Variants in KCNK13 observed in about 807,000 individuals in gnomAD.
KCNK13 encodes potassium two pore domain channel subfamily K member 13, also known as potassium channel subfamily K member 13.
KCNK13 carries 12 observed loss-of-function variants against 23.4 expected under a neutral mutation model. The observed-to-expected ratio is 0.51, with a 90% CI of 0.33 to 0.83. KCNK13 has a LOEUF of 0.83. Ranked by LOEUF, KCNK13 falls within the 40% of genes least tolerant of loss-of-function variation. The pLI, the probability that KCNK13 is intolerant of heterozygous loss-of-function variation, is 0.02. For missense variants in KCNK13, 463 were observed against 556.3 expected, an observed-to-expected ratio of 0.83 and a Z score of 1.69; for synonymous variants, 231 against 229.5, an observed-to-expected ratio of 1.01 and a Z score of -0.06.
intron 1 of KCNK13, among the ~76,000 whole-genome samples, chr14:90,063,753 A>T (rs2140384680): frequency 6.6e-6 from 1 of 152,346 alleles, no homozygotes; most frequent in East Asian, 1.9e-4. Flanking sequence ...CAGGAGAAGC[A>T]GCACAAAAGA....
chr14:90,150,932 T>C (rs1890128037), intron 1 of KCNK13, among the ~76,000 whole-genome samples: 1 of 152,036 alleles, frequency 6.6e-6, no homozygotes, highest in African/African-American at 2.4e-5. Context: ...TGAGCCAAGA[T>C]TGCGCCACTA....
At chr14:90,107,356 T>C (rs1889557849) in intron 1 of KCNK13, among the ~76,000 whole-genome samples, 1 of 151,682 alleles carries the variant, frequency 6.6e-6, no homozygotes, top group Admixed American at 6.6e-5. Context: ...CGGGCGCCTG[T>C]AGTCCCAGCT....
At chr14:90,122,685 C>G (rs1211503097) in intron 1 of KCNK13, among the ~76,000 whole-genome samples, 2 of 151,914 alleles carry the variant, frequency 1.3e-5, no homozygotes, top group Admixed American at 1.3e-4. Context: ...TATTCACAAA[C>G]TGGCCCGAGG....
chr14:90,165,604 A>C (rs1450511268), intron 1 of KCNK13, among the ~76,000 whole-genome samples: 2 of 152,212 alleles, frequency 1.3e-5, no homozygotes, highest in African/African-American at 4.8e-5. Flanking sequence ...ATTTCTTCTC[A>C]GTCTGAGGGA....
chr14:90,161,382 A>G (rs2140438716), intron 1 of KCNK13, among the ~76,000 whole-genome samples: 1 of 152,340 alleles, frequency 6.6e-6, no homozygotes, highest in East Asian at 1.9e-4. Flanking sequence ...GTGATTGTAC[A>G]CATCATGCAT....
intron 1 of KCNK13, among the ~76,000 whole-genome samples, chr14:90,141,868 C>T (rs944489134): frequency 3.4e-4 from 51 of 148,848 alleles, no homozygotes; most frequent in African/African-American, 1.2e-3. Context: ...CTGCAAGCTC[C>T]GCCTCCTGGG....
chr14:90,185,277 T>G lies in KCNK13; in HGVS notation c.*274T>G, dbSNP rs75413384. On this transcript the variant is annotated 3_prime_UTR_variant, in exon 2 of 2. Coordinates refer to ENST00000282146, the MANE Select transcript of KCNK13 (RefSeq NM_022054.4). ...AAATCACAAAAGCAGCATTAGACATTGCCTTGTTTCATTAATCTTGTTTCA... is the reference window on the plus strand; with the variant it reads ...AAATCACAAAAGCAGCATTAGACATGGCCTTGTTTCATTAATCTTGTTTCA... 4.8e-3 allele frequency: 1,610 copies of G among 333,774 alleles called. 27 individuals are homozygous for G. Among genetic ancestry groups the G allele is most frequent in the African/African-American group, 0.031 (1,485 of 47,542 alleles). 20.7% of individuals were successfully genotyped at this position (333,774 alleles called of 1,614,324 possible). A position where few individuals can be genotyped will look rare whatever the true frequency, so the allele number is the denominator to read the frequency against.
At chr14:90,124,366 G>A (rs1284177896) in intron 1 of KCNK13, among the ~76,000 whole-genome samples, 2 of 152,200 alleles carry the variant, frequency 1.3e-5, no homozygotes, top group African/African-American at 4.8e-5. Context: ...CATTCTCCAG[G>A]TACACTCAAC....
At chr14:90,182,722 G>A (rs1042815389) in intron 1 of KCNK13, among the ~76,000 whole-genome samples, 2 of 151,890 alleles carry the variant, frequency 1.3e-5, no homozygotes, top group Non-Finnish European at 1.5e-5. Context: ...TTGGAAGGCT[G>A]AGGCAGGAGG....
chr14:90,134,167 G>C (rs1889908038), intron 1 of KCNK13, among the ~76,000 whole-genome samples: 1 of 150,094 alleles, frequency 6.7e-6, no homozygotes, highest in African/African-American at 2.4e-5. Flanking sequence ...ACAGTGAGCT[G>C]TGCGTGCCTC....
At chr14:90,128,835 A>G (rs1889833774) in intron 1 of KCNK13, among the ~76,000 whole-genome samples, 1 of 152,150 alleles carries the variant, frequency 6.6e-6, no homozygotes. Context: ...ATACAGAAGA[A>G]TACGTGTAAC....
chr14:90,160,597 C>T (rs1890241951), intron 1 of KCNK13, among the ~76,000 whole-genome samples: 1 of 152,058 alleles, frequency 6.6e-6, no homozygotes. Flanking sequence ...AATCCCAGCA[C>T]TTTGAGAGGC....
At chr14:90,130,554 T>TGTAA (rs1566957040) in intron 1 of KCNK13, among the ~76,000 whole-genome samples, 1 of 151,786 alleles carries the variant, frequency 6.6e-6, no homozygotes. Context: ...CGCCCATGCC[T>TGTAA]GTAATCTCAG....
At chr14:90,114,606 G>A (rs1420140234) in intron 1 of KCNK13, among the ~76,000 whole-genome samples, 5 of 152,238 alleles carry the variant, frequency 3.3e-5, no homozygotes, top group African/African-American at 9.6e-5. Context: ...GGTCACCTGC[G>A]TTCTAAGGTA....
intron 1 of KCNK13, among the ~76,000 whole-genome samples, chr14:90,160,903 C>T (rs1360032524): frequency 6.6e-6 from 1 of 151,400 alleles, no homozygotes; most frequent in Non-Finnish European, 1.5e-5. Context: ...CTGCTATCTG[C>T]CACTAATAAT....
chr14:90,139,349 C>A (rs1331233647), intron 1 of KCNK13, among the ~76,000 whole-genome samples: 1 of 152,046 alleles, frequency 6.6e-6, no homozygotes, highest in Non-Finnish European at 1.5e-5. Context: ...CGGGGAAGAG[C>A]ATTCCAGGCA....
intron 1 of KCNK13, among the ~76,000 whole-genome samples, chr14:90,109,067 C>G (rs1889581617): frequency 6.6e-6 from 1 of 151,822 alleles, no homozygotes; most frequent in Non-Finnish European, 1.5e-5. Context: ...GTCCCAGCTA[C>G]TCGGGAGGCT....
intron 1 of KCNK13, among the ~76,000 whole-genome samples, chr14:90,106,724 A>G (rs941378016): frequency 2.0e-5 from 3 of 152,046 alleles, no homozygotes; most frequent in African/African-American, 4.8e-5. Context: ...GAAAACATTT[A>G]TAGTAAAATA....
At chr14:90,183,308 T>A (rs1266834840) in intron 1 of KCNK13, among the ~76,000 whole-genome samples, 1 of 152,162 alleles carries the variant, frequency 6.6e-6, no homozygotes, top group Non-Finnish European at 1.5e-5. Flanking sequence ...GATGGGTAGA[T>A]CTTGAGCAAA....
Sources: gnomAD v4.1 joint callset for allele counts (sites outside exome capture counted in the v4.1 genomes callset) on GRCh38, gnomAD v4.1.1 for gene constraint, MANE v1.5 for transcripts, NCBI Gene and HGNC (gene_info 2026-07-23, HGNC 2026-07-21) for gene names.